The following BCL2L11 variants were observed in gnomAD, a reference collection of about 807,000 sequenced individuals.
BCL2L11 encodes the protein bcl-2-like protein 11.
In BCL2L11, 15 loss-of-function variants were observed where a neutral mutation model predicts 20.6. The observed-to-expected ratio is 0.73, with a 90% CI of 0.49 to 1.12. The LOEUF is 1.12. BCL2L11 is among the 50% of genes most tolerant of loss of function. The pLI is 0.00. For missense variants in BCL2L11, 292 were observed against 260.9 expected (o/e 1.12, Z -0.82); for synonymous variants, 108 against 92.8 (o/e 1.16, Z -0.94).
chr2:111,128,829 A>T, intron 2 of BCL2L11: 1 of 1,452,326 alleles, frequency 6.9e-7, no homozygotes, highest in African/African-American at 1.4e-5. Flanking sequence ...ATTAAATAAA[A>T]TGTATTTTAA....
In BCL2L11 at chr2:111,144,297, C is replaced by T. The variant is rs568434528; in HGVS notation, c.395-5747C>T. Reference sequence around the variant, plus strand: ...CTTTTGTTTTCATCCAGTGGCTCAGCGGAATTGATTGGGATTGCCAAAAAA... The same window carrying T: ...CTTTTGTTTTCATCCAGTGGCTCAGTGGAATTGATTGGGATTGCCAAAAAA... On this transcript the variant is annotated intron_variant, in intron 2 of 3. Coordinates refer to ENST00000393256, the MANE Select transcript of BCL2L11 (RefSeq NM_138621.5). Among the ~76,000 whole-genome samples, 7 of 152,142 alleles carry T rather than the reference C, an allele frequency of 4.6e-5. No homozygotes were observed. The South Asian group carries it at 1.2e-3, about 27-fold the overall frequency.
chr2:111,136,069 G>T lies in BCL2L11; in HGVS notation c.394+11930G>T, dbSNP rs190803812. On this transcript the variant is annotated intron_variant, in intron 2 of 3. Coordinates refer to ENST00000393256, the MANE Select transcript of BCL2L11 (RefSeq NM_138621.5). ...CCCACTCTGGCCACGCGGTGCTGTG[G>T]GGCTGCTGCCAGGGGCGTTGTGGTT... 4.5e-3 allele frequency among the ~76,000 whole-genome samples: 678 copies of T among 152,292 alleles called. 6 individuals carry two copies. The highest frequency in any genetic ancestry group is 0.015 in the African/African-American group (633 of 41,560).
intron 1 of BCL2L11, among the ~76,000 whole-genome samples, chr2:111,122,296 G>C (rs1044840131): frequency 6.6e-6 from 1 of 152,202 alleles, no homozygotes; most frequent in African/African-American, 2.4e-5. Context: ...GTCCTGCTTT[G>C]TCTCCAGGTG....
In BCL2L11 at chr2:111,121,050, C is replaced by A; in HGVS notation, c.-152C>A. On this transcript the variant is annotated 5_prime_UTR_variant, in exon 1 of 4. Transcript: ENST00000393256. Reference sequence around the variant, plus strand: ...ACCACCACTTGATTCTTGCAGCCACCCTGCGAACCCTGCCACACTGCGATC... The same window carrying A: ...ACCACCACTTGATTCTTGCAGCCACACTGCGAACCCTGCCACACTGCGATC... 5.4e-6 allele frequency: 2 copies of A among 372,638 alleles called. No individual in the cohort carries two copies. Among genetic ancestry groups the A allele is most frequent in the South Asian group, 4.6e-5 (1 of 21,956 alleles). 23.1% of individuals were successfully genotyped at this position (372,638 alleles called of 1,614,324 possible). A position where few individuals can be genotyped will look rare whatever the true frequency, so the allele number is the denominator to read the frequency against.
intron 1 of BCL2L11, chr2:111,123,269 T>G: frequency 1.0e-6 from 1 of 985,500 alleles, no homozygotes; most frequent in Non-Finnish European, 1.2e-6. Context: ...CTTGCTGCCC[T>G]CAGCATTTTC....
Position 111,141,927 on chromosome 2 carries a change from C to G in BCL2L11, c.395-8117C>G, listed in dbSNP as rs553952249. ...TGTTGGCCAGGCTGGTCTTGAACTC[C>G]TGACCTCAAGTGATGTGCCCACCTC... On this transcript the variant is annotated intron_variant, in intron 2 of 3. Coordinates refer to ENST00000393256, the MANE Select transcript of BCL2L11 (RefSeq NM_138621.5). Among the ~76,000 whole-genome samples the G allele has an allele frequency of 5.3e-5, 8 of 152,244 alleles. No homozygotes were observed. The East Asian group carries it at 1.4e-3, about 26-fold the overall frequency.
intron 3 of BCL2L11, among the ~76,000 whole-genome samples, chr2:111,158,883 G>A (rs1337738743): frequency 2.0e-5 from 3 of 151,650 alleles, no homozygotes; most frequent in East Asian, 3.9e-4. Flanking sequence ...TTTTTAAATT[G>A]TGTTACACAC....
intron 3 of BCL2L11, among the ~76,000 whole-genome samples, chr2:111,162,211 G>A (rs1008049381): frequency 6.6e-6 from 1 of 152,208 alleles, no homozygotes; most frequent in African/African-American, 2.4e-5. Flanking sequence ...TGAATCCGTG[G>A]TAATGGCTTC....
At chr2:111,134,042 C>G (rs1312500075) in intron 2 of BCL2L11, among the ~76,000 whole-genome samples, 1 of 151,712 alleles carries the variant, frequency 6.6e-6, no homozygotes, top group Admixed American at 6.6e-5. Flanking sequence ...CATCCTTTCA[C>G]TTTCCATCTG....
intron 1 of BCL2L11, chr2:111,123,478 ATG>A: frequency 9.1e-6 from 9 of 985,420 alleles, no homozygotes; most frequent in Non-Finnish European, 1.1e-5. Flanking sequence ...CTGGAAACGC[ATG>A]TGTGTGTGCA....
rs545434759 is a variant in BCL2L11 at position 111,139,510 on chromosome 2, A to G, written c.395-10534A>G. On this transcript the variant is annotated intron_variant, in intron 2 of 3. Transcript: ENST00000393256. Reference sequence around the variant, plus strand: ...TTGTGTGAATGAAATCAAGACTTCTACAACTGCGTTTTCCTTCTTTTCCCT... The same window carrying G: ...TTGTGTGAATGAAATCAAGACTTCTGCAACTGCGTTTTCCTTCTTTTCCCT... Among the ~76,000 whole-genome samples the G allele has an allele frequency of 3.0e-4, 46 of 152,374 alleles. No individual in the cohort carries two copies. The South Asian group carries it at 6.8e-3, about 23-fold the overall frequency.
intron 2 of BCL2L11, among the ~76,000 whole-genome samples, chr2:111,134,305 T>C (rs1486015731): frequency 6.6e-6 from 1 of 152,182 alleles, no homozygotes; most frequent in East Asian, 1.9e-4. Flanking sequence ...TATGGTGTTT[T>C]AAAATATATT....
rs1559101026 is a variant in BCL2L11 at position 111,167,148 on chromosome 2, T to TTTTCAGAGGGAA, written c.*2917_*2918insTTTCAGAGGGAA. The TTTTCAGAGGGAA allele has an allele frequency of 3.3e-5, 5 of 152,656 alleles. No individual in the cohort carries two copies. Among genetic ancestry groups the TTTTCAGAGGGAA allele is most frequent in the Non-Finnish European group, 7.3e-5 (5 of 68,046 alleles). 9.5% of individuals were successfully genotyped at this position (152,656 alleles called of 1,614,324 possible). A position where few individuals can be genotyped will look rare whatever the true frequency, so the allele number is the denominator to read the frequency against. ...AATTTCTGAAAAGTATTAACATCCC[T>TTTTCAGAGGGAA]GTCTCCCACTCCCCTGCCGTCCCAT... On this transcript the variant is annotated 3_prime_UTR_variant, in exon 4 of 4. Transcript: ENST00000393256.
rs543233353 is a variant in BCL2L11, at chr2:111,138,800, G to A, written c.395-11244G>A. ...TGCCTGCCCTCCATGGAACCTGGGCGGAGCAGTGAGTCTGTCTGAGCTTCA... is the reference window on the plus strand; with the variant it reads ...TGCCTGCCCTCCATGGAACCTGGGCAGAGCAGTGAGTCTGTCTGAGCTTCA... On this transcript the variant is annotated intron_variant, in intron 2 of 3. Coordinates refer to ENST00000393256, the MANE Select transcript of BCL2L11 (RefSeq NM_138621.5). Among the ~76,000 whole-genome samples, 12 of 152,236 alleles carry A rather than the reference G, an allele frequency of 7.9e-5. No individual in the cohort carries two copies. In the South Asian group the frequency reaches 1.2e-3, roughly 16 times the overall value.
chr2:111,127,712 C>T (rs902840798), intron 2 of BCL2L11, among the ~76,000 whole-genome samples: 6 of 152,080 alleles, frequency 3.9e-5, no homozygotes, highest in Admixed American at 2.0e-4. Flanking sequence ...AGGTTTGCCA[C>T]GTAGTGGTGA....
At chr2:111,138,110 G>A (rs1354892613) in intron 2 of BCL2L11, among the ~76,000 whole-genome samples, 1 of 150,862 alleles carries the variant, frequency 6.6e-6, no homozygotes, top group East Asian at 1.9e-4. Flanking sequence ...CCAGGTTCAA[G>A]TGATTGTCCT....
chr2:111,151,805 T>TA, intron 3 of BCL2L11: 1 of 1,531,406 alleles, frequency 6.5e-7, no homozygotes, highest in Non-Finnish European at 8.9e-7. Context: ...AAGAATTTCT[T>TA]AAAATACTGT....
At chr2:111,123,643 G>C in intron 1 of BCL2L11, 90 bp from the exon 2 acceptor site, 1 of 1,269,206 alleles carries the variant, frequency 7.9e-7, no homozygotes. Context: ...TTAACCCTAA[G>C]AATTTTTAAT....
intron 2 of BCL2L11, among the ~76,000 whole-genome samples, chr2:111,147,390 A>ACACACC (rs1039299406): frequency 7.7e-4 from 106 of 138,348 alleles, no homozygotes; most frequent in East Asian, 4.8e-3. Flanking sequence ...ACACACACAC[A>ACACACC]CCCGCCATTT....
Sources: allele counts gnomAD v4.1 joint callset (sites outside exome capture counted in the v4.1 genomes callset), GRCh38; gene constraint gnomAD v4.1.1; transcripts MANE v1.5; gene names NCBI Gene and HGNC (gene_info 2026-07-23, HGNC 2026-07-21).